The following RBFOX2 variants were observed in gnomAD, a reference collection of about 807,000 sequenced individuals.
The protein encoded by RBFOX2 is RNA binding fox-1 homolog 2.
RBFOX2 carries 10 observed loss-of-function variants against 49.1 expected under a neutral mutation model. The ratio of observed to expected loss-of-function variants is 0.20; its 90% confidence interval spans 0.13 to 0.35. The LOEUF (loss-of-function observed/expected upper bound fraction) is 0.35, where lower values mean the gene tolerates loss of function less well. RBFOX2 is among the 10% of genes least tolerant of loss of function. The pLI, the probability that RBFOX2 is intolerant of heterozygous loss-of-function variation, is 1.00. For missense variants in RBFOX2, 323 were observed against 486.9 expected, an observed-to-expected ratio of 0.66 and a Z score of 3.17; for synonymous variants, 183 against 187.4, an observed-to-expected ratio of 0.98 and a Z score of 0.19.
At chr22:35,956,069 A>AT (rs1372596954) in intron 1 of RBFOX2, among the ~76,000 whole-genome samples, 5 of 152,078 alleles carry the variant, frequency 3.3e-5, no homozygotes, top group Middle Eastern at 3.4e-3. Flanking sequence ...CTTGGAATAG[A>AT]TTTTTTTTGC....
chr22:35,981,732 G>A (rs2057465609), intron 1 of RBFOX2, among the ~76,000 whole-genome samples: 1 of 151,882 alleles, frequency 6.6e-6, no homozygotes, highest in South Asian at 2.1e-4. Context: ...AATCCCTTAG[G>A]AAAATTGAAT....
chr22:35,804,094 A>G (rs1950259946), intron 2 of RBFOX2, among the ~76,000 whole-genome samples: 2 of 152,172 alleles, frequency 1.3e-5, no homozygotes, highest in Admixed American at 1.3e-4. Context: ...CCTGGCCAAC[A>G]TGGTGAAACC....
chr22:36,023,786 G>A (rs2059330905), intron 1 of RBFOX2, among the ~76,000 whole-genome samples: 1 of 152,068 alleles, frequency 6.6e-6, no homozygotes, highest in African/African-American at 2.4e-5. Flanking sequence ...ACTCTTTCCA[G>A]GGCTGCACTG....
At chr22:35,862,133 G>C (rs1187390485) in intron 1 of RBFOX2, among the ~76,000 whole-genome samples, 1 of 152,138 alleles carries the variant, frequency 6.6e-6, no homozygotes, top group Non-Finnish European at 1.5e-5. Flanking sequence ...GGGGAGGTAA[G>C]AGCATATTGG....
chr22:35,833,751 T>A (rs1488162429), intron 1 of RBFOX2, among the ~76,000 whole-genome samples: 1 of 152,188 alleles, frequency 6.6e-6, no homozygotes, highest in African/African-American at 2.4e-5. Context: ...GCCAAACTCC[T>A]TGGGTTTCCT....
intron 1 of RBFOX2, chr22:35,898,326 C>T (rs577098654): frequency 6.6e-5 from 47 of 711,330 alleles, no homozygotes; most frequent in African/African-American, 4.0e-4. Context: ...CTGTGACACA[C>T]GGATGTGGCT....
intron 1 of RBFOX2, among the ~76,000 whole-genome samples, chr22:35,892,011 T>G (rs2047305062): frequency 6.6e-6 from 1 of 152,194 alleles, no homozygotes; most frequent in Non-Finnish European, 1.5e-5. Context: ...CCTAGATGAA[T>G]TCAAAGATAC....
intron 1 of RBFOX2, among the ~76,000 whole-genome samples, chr22:35,902,338 C>T (rs1189629955): frequency 6.6e-6 from 1 of 152,152 alleles, no homozygotes; most frequent in East Asian, 1.9e-4. Flanking sequence ...TACCCTCAAT[C>T]ATTTGTCCTC....
At chr22:35,923,531 CT>C (rs1217695622) in intron 1 of RBFOX2, among the ~76,000 whole-genome samples, 2 of 152,156 alleles carry the variant, frequency 1.3e-5, no homozygotes, top group African/African-American at 4.8e-5. Context: ...ACCACCACAT[CT>C]GGCTAACTTC....
At chr22:35,801,445 ACACTCT>A (rs1288811164) in intron 2 of RBFOX2, among the ~76,000 whole-genome samples, 147 of 151,276 alleles carry the variant, frequency 9.7e-4, no homozygotes, top group Non-Finnish European at 1.4e-3. Flanking sequence ...ACACACACAC[ACACTCT>A]CTCTCTCTCT....
At chr22:35,776,376 G>A (rs570929963) in intron 4 of RBFOX2, among the ~76,000 whole-genome samples, 2 of 152,278 alleles carry the variant, frequency 1.3e-5, no homozygotes, top group East Asian at 1.9e-4. Flanking sequence ...TGTTTTAACT[G>A]AAAACTGGAA....
At chr22:35,992,803 C>T (rs12160401) in intron 1 of RBFOX2, 18 of 152,268 alleles carry the variant, frequency 1.2e-4, no homozygotes, top group African/African-American at 4.3e-4. Flanking sequence ...TAAGGATGAA[C>T]CCACTCCTGG....
At position 35,911,207 on chromosome 22, in the gene RBFOX2, A is replaced by C. The variant is rs2149513626; in HGVS notation, c.-34+27640T>G. 2.0e-5 allele frequency among the ~76,000 whole-genome samples: 3 copies of C among 152,244 alleles called. No individual in the cohort carries two copies. The East Asian group carries it at 5.8e-4, about 29-fold the overall frequency. On this transcript the variant is annotated intron_variant, in intron 1 of 13. Coordinates refer to the RBFOX2 transcript ENST00000359369. ...TATCTTTATCTCCCCCAGGTACTTAAGTTAAGCTACTATGGGTTGGGGGAA... is the reference window on the plus strand; with the variant it reads ...TATCTTTATCTCCCCCAGGTACTTACGTTAAGCTACTATGGGTTGGGGGAA...
At chr22:36,015,698 G>A (rs1165150679) in intron 1 of RBFOX2, among the ~76,000 whole-genome samples, 3 of 152,160 alleles carry the variant, frequency 2.0e-5, no homozygotes, top group Non-Finnish European at 2.9e-5. Context: ...AGGGGATAGC[G>A]ACCTCATTTG....
chr22:35,991,497 C>T (rs950739381), intron 1 of RBFOX2, among the ~76,000 whole-genome samples: 7 of 152,080 alleles, frequency 4.6e-5, no homozygotes, highest in African/African-American at 7.2e-5. Flanking sequence ...TGGAGGGAGG[C>T]AGGAGGACTT....
At chr22:35,824,218 C>T (rs1358623781) in intron 1 of RBFOX2, 1 of 151,810 alleles carries the variant, frequency 6.6e-6, no homozygotes, top group Admixed American at 6.6e-5. Context: ...TACAAACACA[C>T]CCAGCACTAT....
intron 1 of RBFOX2, among the ~76,000 whole-genome samples, chr22:35,855,631 A>G (rs2042423050): frequency 1.3e-5 from 2 of 150,600 alleles, no homozygotes; most frequent in Non-Finnish European, 3.0e-5. Flanking sequence ...CTGGTCTTCA[A>G]CTCCTGAGTT....
rs78078473 is a variant in RBFOX2, at chr22:35,787,837, T to C, written c.253-6091A>G. 1.2e-4 allele frequency among the ~76,000 whole-genome samples: 19 copies of C among 152,302 alleles called. 1 individual carries two copies. In the East Asian group the frequency reaches 3.7e-3, roughly 29 times the overall value. On this transcript the variant is annotated intron_variant, in intron 2 of 11. Transcript: ENST00000405409. ...TTTGTGGTCATTATCCGACCTAACG[T>C]ATCCACTGGGCAAGGCATAAAACAG...
At chr22:35,955,748 G>A (rs1250452453) in intron 1 of RBFOX2, among the ~76,000 whole-genome samples, 1 of 152,154 alleles carries the variant, frequency 6.6e-6, no homozygotes, top group East Asian at 1.9e-4. Context: ...CCTGCCGTGT[G>A]GCCTGGTTCC....
Sources: allele counts gnomAD v4.1 joint callset (sites outside exome capture counted in the v4.1 genomes callset), GRCh38; gene constraint gnomAD v4.1.1; transcripts MANE v1.5; gene names NCBI Gene and HGNC (gene_info 2026-07-23, HGNC 2026-07-21).